Variants in KDM4C observed in about 807,000 individuals in gnomAD.
KDM4C encodes lysine-specific demethylase 4C.
KDM4C carries 81 observed loss-of-function variants against 129.3 expected under a neutral mutation model. The observed-to-expected ratio is 0.63, with a 90% confidence interval of 0.52 to 0.75. The LOEUF (loss-of-function observed/expected upper bound fraction) is 0.75, where lower values mean the gene tolerates loss of function less well. KDM4C is among the 30% of genes least tolerant of loss of function. KDM4C has a pLI of 0.00. For missense variants in KDM4C, 1,457 were observed against 1,304.0 expected (o/e 1.12, Z -1.81); for synonymous variants, 573 against 456.1 (o/e 1.26, Z -3.26).
intron 12 of KDM4C, among the ~76,000 whole-genome samples, chr9:7,004,970 C>T (rs1340702682): frequency 5.9e-5 from 9 of 152,210 alleles, no homozygotes; most frequent in Admixed American, 3.3e-4. Flanking sequence ...ACTGAGTGTC[C>T]GGGCTACTTA....
At chr9:7,139,938 T>C (rs749037892) in intron 19 of KDM4C, among the ~76,000 whole-genome samples, 12 of 152,116 alleles carry the variant, frequency 7.9e-5, no homozygotes, top group Non-Finnish European at 1.2e-4. Context: ...TTTAGAGCAG[T>C]AATGAAAGGA....
intron 8 of KDM4C, among the ~76,000 whole-genome samples, chr9:6,952,628 A>G (rs369692493): frequency 2.6e-5 from 4 of 151,800 alleles, no homozygotes; most frequent in Non-Finnish European, 5.9e-5. Context: ...TTTAGTAGAG[A>G]CGGGGTTTCA....
upstream of KDM4C, among the ~76,000 whole-genome samples, chr9:6,755,495 C>T (rs1588072219): frequency 6.6e-6 from 1 of 152,156 alleles, no homozygotes; most frequent in Admixed American, 6.5e-5. Flanking sequence ...CTGCAGTGAG[C>T]CGATATGGCG....
chr9:6,900,094 C>T (rs956205708), intron 8 of KDM4C, among the ~76,000 whole-genome samples: 7 of 152,168 alleles, frequency 4.6e-5, no homozygotes, highest in Admixed American at 4.6e-4. Context: ...GGGCACTAGA[C>T]ACATCTTATT....
chr9:6,833,069 T>G (rs1303007013), intron 4 of KDM4C, among the ~76,000 whole-genome samples: 7 of 152,174 alleles, frequency 4.6e-5, no homozygotes, highest in South Asian at 2.1e-4. Context: ...TTTTAAATTT[T>G]TCATATGTAA....
chr9:6,978,620 T>A (rs1454620112), intron 8 of KDM4C: 1 of 152,238 alleles, frequency 6.6e-6, no homozygotes, highest in Non-Finnish European at 1.5e-5. Flanking sequence ...CTCTGTTCCT[T>A]TCAGTTCAGG....
At chr9:7,127,791 T>C (rs1362313849) in intron 18 of KDM4C, 2 of 281,886 alleles carry the variant, frequency 7.1e-6, no homozygotes, top group Non-Finnish European at 1.3e-5. Flanking sequence ...ACATACATAT[T>C]GTTTTCTCTC....
rs1345165871 is a variant in KDM4C, at chr9:7,175,628, T to C, written c.*899T>C. 2 of 152,390 alleles carry C rather than the reference T, an allele frequency of 1.3e-5. No individual in the cohort carries two copies. Among genetic ancestry groups the C allele is most frequent in the African/African-American group, 2.4e-5 (1 of 41,468 alleles). 9.4% of individuals were successfully genotyped at this position (152,390 alleles called of 1,614,324 possible). A position where few individuals can be genotyped will look rare whatever the true frequency, so the allele number is the denominator to read the frequency against. On this transcript the variant is annotated 3_prime_UTR_variant, in exon 22 of 22. Transcript: ENST00000381309. ...CTGAAAATGTACTAGTGTTTAAAAA[T>C]AAAGATTTCCATTTTCTCCAGTCCT... is the stretch of plus-strand genomic sequence containing the variant.
At chr9:7,047,735 C>G (rs910569445) in intron 16 of KDM4C, among the ~76,000 whole-genome samples, 1 of 151,800 alleles carries the variant, frequency 6.6e-6, no homozygotes, top group Non-Finnish European at 1.5e-5. Context: ...CATAAAAATC[C>G]AGATTTTCAT....
At chr9:7,008,532 C>T (rs1023395180) in intron 12 of KDM4C, among the ~76,000 whole-genome samples, 1 of 152,190 alleles carries the variant, frequency 6.6e-6, no homozygotes, top group Non-Finnish European at 1.5e-5. Context: ...ACCTGGGTTT[C>T]ATGCCTGCCC....
chr9:7,078,028 C>T (rs112600977), intron 17 of KDM4C, among the ~76,000 whole-genome samples: 5 of 152,056 alleles, frequency 3.3e-5, no homozygotes, highest in Non-Finnish European at 7.4e-5. Flanking sequence ...TCTAATATTT[C>T]TTTAAAAATC....
At chr9:6,923,097 C>G (rs943817815) in intron 8 of KDM4C, among the ~76,000 whole-genome samples, 1 of 152,124 alleles carries the variant, frequency 6.6e-6, no homozygotes, top group Non-Finnish European at 1.5e-5. Flanking sequence ...TTTGGTAAAG[C>G]CTGTTTGATT....
chr9:6,761,718 T>A (rs1301217503), intron 1 of KDM4C, among the ~76,000 whole-genome samples: 3 of 152,228 alleles, frequency 2.0e-5, no homozygotes, highest in Non-Finnish European at 4.4e-5. Context: ...ATAGGTACAT[T>A]CTGTACTTTG....
chr9:6,778,415 T>G (rs1419783110), intron 1 of KDM4C, among the ~76,000 whole-genome samples: 2 of 151,884 alleles, frequency 1.3e-5, no homozygotes, highest in African/African-American at 4.8e-5. Context: ...TGTAGCTAAA[T>G]AACTTATTCA....
intron 17 of KDM4C, among the ~76,000 whole-genome samples, chr9:7,062,319 C>T (rs146296578): frequency 0.015 from 2,209 of 152,054 alleles, 24 homozygotes; most frequent in Non-Finnish European, 0.022. Flanking sequence ...CTCAGTTTTG[C>T]TGAAGTTGTC....
rs369123702 is a variant in KDM4C, at chr9:7,083,663, G to A, written c.2425-20022G>A. On this transcript the variant is annotated intron_variant, in intron 17 of 21. Coordinates refer to ENST00000381309, the MANE Select transcript of KDM4C (RefSeq NM_015061.6). ...TTACAATCTTATGGGACCACCATGG[G>A]ATATGCCATTTGTCATTGACTGAAA... 2.6e-5 allele frequency among the ~76,000 whole-genome samples: 4 copies of A among 151,308 alleles called. No homozygotes were observed. In the South Asian group the frequency reaches 6.2e-4, roughly 24 times the overall value.
chr9:6,797,963 A>G (rs1434463463), intron 2 of KDM4C, among the ~76,000 whole-genome samples: 1 of 152,198 alleles, frequency 6.6e-6, no homozygotes, highest in African/African-American at 2.4e-5. Context: ...GATTCACTAA[A>G]CATAAAGATT....
intron 19 of KDM4C, among the ~76,000 whole-genome samples, chr9:7,155,962 TA>T (rs1354631567): frequency 2.6e-5 from 4 of 152,252 alleles, no homozygotes; most frequent in Admixed American, 2.6e-4. Flanking sequence ...TGAACTAATT[TA>T]CACTCCCACC....
intron 15 of KDM4C, among the ~76,000 whole-genome samples, chr9:7,041,259 A>G (rs1004268228): frequency 1.3e-5 from 2 of 151,986 alleles, no homozygotes; most frequent in Non-Finnish European, 2.9e-5. Context: ...TTTACATTGT[A>G]TTAAGTATTA....
Sources: gnomAD v4.1 joint callset for allele counts (sites outside exome capture counted in the v4.1 genomes callset) on GRCh38, gnomAD v4.1.1 for gene constraint, MANE v1.5 for transcripts, NCBI Gene and HGNC (gene_info 2026-07-23, HGNC 2026-07-21) for gene names.